The following SGCZ variants were observed in gnomAD, a reference collection of about 807,000 sequenced individuals.
SGCZ encodes the protein sarcoglycan zeta, also known as zeta-sarcoglycan.
A neutral mutation model predicts 41.3 loss-of-function variants in SGCZ; 40 were observed. The ratio of observed to expected loss-of-function variants is 0.97; its 90% CI spans 0.75 to 1.26. The LOEUF (loss-of-function observed/expected upper bound fraction) is 1.26. Among genes scored for constraint, SGCZ ranks in the 50% most tolerant of loss-of-function variants. SGCZ has a pLI of 0.00. For synonymous variants in SGCZ, 206 were observed against 137.5 expected, an observed-to-expected ratio of 1.50 and a Z score of -3.49; for missense variants, 552 against 369.8, an observed-to-expected ratio of 1.49 and a Z score of -4.04.
intron 1 of SGCZ, among the ~76,000 whole-genome samples, chr8:14,845,581 C>T (rs573694410): frequency 4.6e-5 from 7 of 152,032 alleles, no homozygotes; most frequent in Admixed American, 6.6e-5. Context: ...GACAGAAACA[C>T]GAATACAGTC....
intron 4 of SGCZ, among the ~76,000 whole-genome samples, chr8:14,197,727 T>C (rs917091988): frequency 6.6e-6 from 1 of 152,056 alleles, no homozygotes; most frequent in East Asian, 1.9e-4. Flanking sequence ...AAAACCTAAG[T>C]GCTTTTCCCC....
At chr8:14,286,935 A>T (rs1054563544) in intron 3 of SGCZ, among the ~76,000 whole-genome samples, 22 of 152,044 alleles carry the variant, frequency 1.4e-4, no homozygotes, top group Non-Finnish European at 4.4e-5. Flanking sequence ...GTATGTGATT[A>T]TACTATAAAT....
At chr8:14,900,725 G>T (rs931141279) in intron 1 of SGCZ, among the ~76,000 whole-genome samples, 1 of 152,088 alleles carries the variant, frequency 6.6e-6, no homozygotes, top group Non-Finnish European at 1.5e-5. Flanking sequence ...AATCTGAAAG[G>T]TATTTTATTA....
intron 1 of SGCZ, among the ~76,000 whole-genome samples, chr8:14,636,855 T>C (rs900946403): frequency 1.3e-5 from 2 of 151,952 alleles, no homozygotes; most frequent in African/African-American, 4.8e-5. Context: ...AAAGTCATTA[T>C]GGAAACTCAG....
rs74550326 is a variant in SGCZ at position 14,631,349 on chromosome 8, G to T, written c.40-76423C>A. Among the ~76,000 whole-genome samples the T allele has an allele frequency of 4.7e-3, 709 of 152,104 alleles. 5 individuals carry two copies. Among genetic ancestry groups the T allele is most frequent in the Middle Eastern group, 0.024 (7 of 294 alleles). ...TATCAAATAGAGTAATTAGTGACGT[G>T]CTAGAGTTGACTTGTACTTACTCAC... On this transcript the variant is annotated intron_variant, in intron 1 of 7. Transcript: ENST00000382080.
At chr8:14,207,753 T>C (rs1805664989) in intron 4 of SGCZ, among the ~76,000 whole-genome samples, 1 of 152,200 alleles carries the variant, frequency 6.6e-6, no homozygotes, top group South Asian at 2.1e-4. Flanking sequence ...CATTTCATTC[T>C]ACCCTTCTAC....
chr8:15,027,506 T>C (rs2130952994), intron 1 of SGCZ, among the ~76,000 whole-genome samples: 1 of 152,250 alleles, frequency 6.6e-6, no homozygotes, highest in East Asian at 1.9e-4. Context: ...ACATTCTGAG[T>C]AAAATTCTGC....
intron 1 of SGCZ, among the ~76,000 whole-genome samples, chr8:14,567,661 C>G (rs6981895): frequency 6.6e-6 from 1 of 152,106 alleles, no homozygotes; most frequent in Non-Finnish European, 1.5e-5. Context: ...TTTGTTCTTT[C>G]GCTCTTTGCA....
In SGCZ at chr8:15,213,412, T is replaced by C. The variant is rs944097302; in HGVS notation, c.39+24173A>G. Among the ~76,000 whole-genome samples the C allele has an allele frequency of 2.6e-5, 4 of 151,772 alleles. No homozygotes were observed. The South Asian group carries it at 8.3e-4, about 31-fold the overall frequency. On this transcript the variant is annotated intron_variant, in intron 1 of 7. Coordinates refer to ENST00000382080, the MANE Select transcript of SGCZ (RefSeq NM_139167.4). ...TACTGCAGAAAAAATTCAATGTTTC[T>C]ATATGTGAAACATTAAAAAGCCAAA... is the stretch of plus-strand genomic sequence containing the variant.
chr8:14,872,214 T>C lies in SGCZ; in HGVS notation c.40-317288A>G, dbSNP rs149668293. Among the ~76,000 whole-genome samples the C allele has an allele frequency of 8.5e-3, 1,300 of 152,212 alleles. 11 individuals carry two copies. The highest frequency in any genetic ancestry group is 0.017 in the Middle Eastern group (5 of 294). Reference sequence around the variant, plus strand: ...GGATAGCATTAGGAGAAATACCTAATGTAGATGACAGGTTGATGGGTTCAG... The same window carrying C: ...GGATAGCATTAGGAGAAATACCTAACGTAGATGACAGGTTGATGGGTTCAG... On this transcript the variant is annotated intron_variant, in intron 1 of 7. Coordinates refer to ENST00000382080, the MANE Select transcript of SGCZ (RefSeq NM_139167.4).
At chr8:14,759,266 T>A (rs970329317) in intron 1 of SGCZ, among the ~76,000 whole-genome samples, 3 of 152,112 alleles carry the variant, frequency 2.0e-5, no homozygotes, top group African/African-American at 7.2e-5. Flanking sequence ...ACTAGGATAT[T>A]GCTGAGAAGA....
At chr8:15,179,004 C>T (rs948206424) in intron 1 of SGCZ, among the ~76,000 whole-genome samples, 1 of 152,138 alleles carries the variant, frequency 6.6e-6, no homozygotes, top group African/African-American at 2.4e-5. Flanking sequence ...ATGAGACTTT[C>T]CTCAAGCTGT....
chr8:14,961,238 A>G (rs1359805619), intron 1 of SGCZ, among the ~76,000 whole-genome samples: 4 of 151,972 alleles, frequency 2.6e-5, no homozygotes, highest in African/African-American at 4.8e-5. Context: ...TAGTTGGTAA[A>G]TCTCTCCGAA....
intron 1 of SGCZ, among the ~76,000 whole-genome samples, chr8:15,179,162 ATAAT>A (rs764199067): frequency 3.9e-5 from 6 of 152,284 alleles, no homozygotes; most frequent in African/African-American, 9.6e-5. Context: ...CAATTAAATA[ATAAT>A]TAACCTGTTT....
intron 2 of SGCZ, among the ~76,000 whole-genome samples, chr8:14,475,629 T>C (rs1313366579): frequency 3.3e-5 from 5 of 152,162 alleles, no homozygotes; most frequent in African/African-American, 1.2e-4. Flanking sequence ...CTATAAATTG[T>C]TGGAGATAAA....
chr8:14,654,590 GAGAC>G (rs986444015), intron 1 of SGCZ, among the ~76,000 whole-genome samples: 30 of 151,658 alleles, frequency 2.0e-4, no homozygotes, highest in Non-Finnish European at 4.4e-5. Context: ...GTTTTGTTTT[GAGAC>G]AGAGTCTCGC....
intron 1 of SGCZ, among the ~76,000 whole-genome samples, chr8:15,008,552 T>A (rs111926217): frequency 0.46 from 10,889 of 23,498 alleles, 2,318 homozygotes; most frequent in Non-Finnish European, 0.48. Flanking sequence ...AGGGAGGGAG[T>A]GAGGGAGGGA....
chr8:14,670,048 G>T (rs778245165), intron 1 of SGCZ, among the ~76,000 whole-genome samples: 98 of 152,112 alleles, frequency 6.4e-4, no homozygotes, highest in Non-Finnish European at 1.2e-3. Flanking sequence ...CAGCTGTAAT[G>T]ATTTGTCAAA....
Position 14,702,731 on chromosome 8 carries a change from T to TAGATAGATAGATA in SGCZ, c.40-147806_40-147805insTATCTATCTATCT, listed in dbSNP as rs149417372. Among the ~76,000 whole-genome samples, 29 of 91,264 alleles carry TAGATAGATAGATA rather than the reference T, an allele frequency of 3.2e-4. 1 individual carries two copies. The highest frequency in any genetic ancestry group is 1.2e-3 in the East Asian group (3 of 2,526). 59.9% of individuals were successfully genotyped at this position (91,264 alleles called of 152,430 possible). A position where few individuals can be genotyped will look rare whatever the true frequency, so the allele number is the denominator to read the frequency against. ...TATCAGCAAATTCTGCTGGCTTCAA[T>TAGATAGATAGATA]GATAGATAGATAGATAGATAGATAG... On this transcript the variant is annotated intron_variant, in intron 1 of 7. Coordinates refer to ENST00000382080, the MANE Select transcript of SGCZ (RefSeq NM_139167.4).
Sources: gnomAD v4.1 joint callset for allele counts (sites outside exome capture counted in the v4.1 genomes callset) on GRCh38, gnomAD v4.1.1 for gene constraint, MANE v1.5 for transcripts, NCBI Gene and HGNC (gene_info 2026-07-23, HGNC 2026-07-21) for gene names.